HAS3: variants seen among roughly 807,000 people sequenced by gnomAD.
HAS3 encodes the protein hyaluronan synthase 3, also known as HA synthase 3.
In HAS3, 27 loss-of-function variants were observed where a neutral mutation model predicts 50.3. The ratio of observed to expected loss-of-function variants is 0.54; its 90% confidence interval spans 0.40 to 0.74. The LOEUF (loss-of-function observed/expected upper bound fraction) is 0.74, where lower values mean the gene tolerates loss of function less well. Among genes scored for constraint, HAS3 ranks in the 30% least tolerant of loss-of-function variants. The pLI is 0.00. For missense variants in HAS3, 517 were observed against 742.8 expected, an observed-to-expected ratio of 0.70 and a Z score of 3.53; for synonymous variants, 339 against 310.9, an observed-to-expected ratio of 1.09 and a Z score of -0.95.
chr16:69,088,277 G>A, the HAS3 span, among the ~76,000 whole-genome samples: 1 of 152,026 alleles, frequency 6.6e-6, no homozygotes, highest in Non-Finnish European at 1.5e-5. Flanking sequence ...ATGTCAAGTG[G>A]GGCCGGGCAC....
chr16:69,109,528 T>C lies in HAS3; in HGVS notation c.133T>C (p.Phe45Leu). The C allele has an allele frequency of 6.2e-7, 1 of 1,614,014 alleles. No individual in the cohort carries two copies. ...FIHTEKHYLS[F>L]GLYGAILGLH... The stretch of plus-strand genomic sequence containing the variant: ...CCACACGGAAAAGCACTACCTGTCC[T>C]TCGGCCTGTACGGCGCCATCCTGGG... Residue 45 changes from phenylalanine to leucine, a missense_variant, in exon 2 of 4, where the codon TTC becomes CTC. Transcript: ENST00000569188. The surrounding 1 kb of genome is among the most constrained non-coding windows in gnomAD (Gnocchi z 5.3).
the HAS3 span, among the ~76,000 whole-genome samples, chr16:69,098,065 A>G: frequency 6.6e-6 from 1 of 152,116 alleles, no homozygotes. Flanking sequence ...TATGATAGAG[A>G]CTGCACCCCA....
the HAS3 span, among the ~76,000 whole-genome samples, chr16:69,093,375 CTACTT>C: frequency 6.6e-6 from 1 of 151,964 alleles, no homozygotes; most frequent in Non-Finnish European, 1.5e-5. Flanking sequence ...CCACACACAG[CTACTT>C]TTTGTATTTT....
At chr16:69,113,640 A>G (rs1269281163) in intron 3 of HAS3, 98 bp downstream of exon 3, 1 of 721,776 alleles carries the variant, frequency 1.4e-6, no homozygotes, top group Non-Finnish European at 2.4e-6. Flanking sequence ...ACTTCCTAGT[A>G]TTGGGGGGAG....
At chr16:69,095,425 G>A in the HAS3 span, among the ~76,000 whole-genome samples, 3 of 152,110 alleles carry the variant, frequency 2.0e-5, no homozygotes, top group Non-Finnish European at 2.9e-5. Flanking sequence ...CTGGCCTCTC[G>A]GTGCCAGAAA....
the HAS3 span, among the ~76,000 whole-genome samples, chr16:69,100,305 G>A: frequency 6.6e-6 from 1 of 152,168 alleles, no homozygotes; most frequent in Non-Finnish European, 1.5e-5. Context: ...AGCTGAAGCC[G>A]CCTTGAAGAG....
chr16:69,108,117 CA>C (rs1477676836), intron 1 of HAS3, among the ~76,000 whole-genome samples: 2 of 152,188 alleles, frequency 1.3e-5, no homozygotes, highest in African/African-American at 4.8e-5. Context: ...CTAGATCAGG[CA>C]GGTGGCAGAG....
At position 69,109,479 on chromosome 16, in the gene HAS3, CTA is replaced by C; in HGVS notation, c.86_87del (p.Tyr29CysfsTer70). ...LAVLGGILAA[Y>X]VTGYQFIHTE... ...CAGTGCTGGGTGGCATCCTGGCAGC[CTA>C]TGTGACGGGCTACCAGTTCATCCAC... On this transcript the variant is annotated frameshift_variant, in exon 2 of 4. Coordinates refer to ENST00000569188, the MANE Select transcript of HAS3 (RefSeq NM_001199280.2). LOFTEE classifies it high-confidence loss of function. This position sits in a 1 kb window ranked among gnomAD's most constrained non-coding sequence, Gnocchi z 5.3. The C allele has an allele frequency of 6.2e-7, 1 of 1,613,878 alleles. No homozygotes were observed.
chr16:69,116,146 C>T lies in HAS3; in HGVS notation c.*880C>T. The T allele has an allele frequency of 3.0e-6, 3 of 985,118 alleles. No homozygotes were observed. Among genetic ancestry groups the T allele is most frequent in the Non-Finnish European group, 3.6e-6 (3 of 829,622 alleles). 61.0% of individuals were successfully genotyped at this position (985,118 alleles called of 1,614,324 possible). The stretch of plus-strand genomic sequence containing the variant: ...ATTTTAACCTGTATACTCTTGAATT[C>T]CTCTCAAATTCAGCTCTGATCTGAG... On this transcript the variant is annotated 3_prime_UTR_variant, in exon 4 of 4. Transcript: ENST00000569188.
the HAS3 span, chr16:69,083,597 A>T: frequency 6.3e-7 from 1 of 1,593,658 alleles, no homozygotes; most frequent in East Asian, 2.3e-5. Flanking sequence ...GAGCTGGATG[A>T]CATCATGAAA....
the HAS3 span, among the ~76,000 whole-genome samples, chr16:69,092,012 T>G: frequency 6.6e-6 from 1 of 152,198 alleles, no homozygotes; most frequent in Non-Finnish European, 1.5e-5. Flanking sequence ...ACAGTTACAG[T>G]TAACACTAAA....
intron 2 of HAS3, among the ~76,000 whole-genome samples, chr16:69,111,334 A>G (rs1197626071): frequency 6.6e-6 from 1 of 151,954 alleles, no homozygotes. Flanking sequence ...GGCCTCCCAA[A>G]GTGCTAGGAT....
chr16:69,088,936 T>C, the HAS3 span, among the ~76,000 whole-genome samples: 1 of 151,568 alleles, frequency 6.6e-6, no homozygotes, highest in East Asian at 1.9e-4. Flanking sequence ...ATGGAAAAAA[T>C]AAAAGAAATG....
At chr16:69,088,549 C>G in the HAS3 span, among the ~76,000 whole-genome samples, 1 of 139,036 alleles carries the variant, frequency 7.2e-6, no homozygotes, top group Non-Finnish European at 1.5e-5. Flanking sequence ...AAGAGCAAGA[C>G]TCCATCTCAA....
the HAS3 span, among the ~76,000 whole-genome samples, chr16:69,089,961 G>A: frequency 1.3e-5 from 2 of 152,208 alleles, no homozygotes; most frequent in Non-Finnish European, 2.9e-5. Flanking sequence ...CAATCTTGAA[G>A]AACAGGGAGG....
Position 69,114,237 on chromosome 16 carries a change from C to CT in HAS3, c.739-105dup. 6.7e-7 allele frequency: 1 copy of CT among 1,489,262 alleles called. No homozygotes were observed. Among genetic ancestry groups the CT allele is most frequent in the Non-Finnish European group, 8.9e-7 (1 of 1,124,390 alleles). 92.3% of individuals were successfully genotyped at this position (1,489,262 alleles called of 1,614,324 possible). Reference sequence around the variant, plus strand: ...TCCAAAGGAACCGATGGCCAGGAATCTAAGCAGCGGGCCACAGAAGCCATG... The same window carrying CT: ...TCCAAAGGAACCGATGGCCAGGAATCTTAAGCAGCGGGCCACAGAAGCCATG... On this transcript the variant is annotated intron_variant, in intron 3 of 3. Coordinates refer to ENST00000569188, the MANE Select transcript of HAS3 (RefSeq NM_001199280.2). This position sits in a 1 kb window ranked among gnomAD's most constrained non-coding sequence, Gnocchi z 6.4.
the HAS3 span, chr16:69,084,308 CT>C: frequency 2.0e-5 from 3 of 152,378 alleles, no homozygotes; most frequent in Admixed American, 6.5e-5. Context: ...AGCTGGTTGA[CT>C]CTTCCAGAGA....
rs1361952300 is a variant in HAS3 at position 69,116,028 on chromosome 16, G to A, written c.*762G>A. ...TGTTCCACCTGGAAACTGCTCAGAC[G>A]TCTAGATGGGTTCTTAGCTTGTCTG... On this transcript the variant is annotated 3_prime_UTR_variant, in exon 4 of 4. Transcript: ENST00000569188. The A allele has an allele frequency of 5.1e-6, 5 of 985,310 alleles. No individual in the cohort carries two copies. Among genetic ancestry groups the A allele is most frequent in the East Asian group, 2.3e-4 (2 of 8,830 alleles). The allele number at this position is 985,310 out of a possible 1,614,324, so 61.0% of individuals were successfully genotyped here.
Position 69,109,527 on chromosome 16 carries a change from C to T in HAS3, c.132C>T (p.Ser44=), listed in dbSNP as rs762049945. The change falls in exon 2 of 4, where the codon TCC becomes TCT. Residue 44 remains serine (S), a synonymous_variant. Coordinates refer to ENST00000569188, the MANE Select transcript of HAS3 (RefSeq NM_001199280.2). This position sits in a 1 kb window ranked among gnomAD's most constrained non-coding sequence, Gnocchi z 5.3. ...QFIHTEKHYL[S]FGLYGAILGL... The stretch of plus-strand genomic sequence containing the variant: ...TCCACACGGAAAAGCACTACCTGTC[C>T]TTCGGCCTGTACGGCGCCATCCTGG... The T allele has an allele frequency of 6.8e-6, 11 of 1,614,062 alleles. No individual in the cohort carries two copies. The highest frequency in any genetic ancestry group is 2.2e-5 in the East Asian group (1 of 44,884).
Sources: gnomAD v4.1 joint callset for allele counts (sites outside exome capture counted in the v4.1 genomes callset) on GRCh38, gnomAD v4.1.1 for gene constraint, Gnocchi (gnomAD v3.1) non-coding constraint, MANE v1.5 for transcripts, NCBI Gene and HGNC (gene_info 2026-07-23, HGNC 2026-07-21) for gene names.